The following KCNQ1 variants were observed in gnomAD, a reference collection of about 807,000 sequenced individuals.
KCNQ1 encodes the protein potassium voltage-gated channel subfamily Q member 1, also known as potassium voltage-gated channel subfamily KQT member 1.
KCNQ1 carries 49 observed loss-of-function variants against 72.4 expected under a neutral mutation model. The ratio of observed to expected loss-of-function variants is 0.68; its 90% CI spans 0.54 to 0.86. KCNQ1 has a LOEUF of 0.86. Ranked by LOEUF, KCNQ1 falls within the 40% of genes least tolerant of loss-of-function variation. The pLI is 0.00. For synonymous variants in KCNQ1, 450 were observed against 412.6 expected, an observed-to-expected ratio of 1.09 and a Z score of -1.10; for missense variants, 790 against 945.1, an observed-to-expected ratio of 0.84 and a Z score of 2.15.
At chr11:2,760,953 A>T (rs1165229132) in intron 11 of KCNQ1, among the ~76,000 whole-genome samples, 1 of 152,168 alleles carries the variant, frequency 6.6e-6, no homozygotes, top group Non-Finnish European at 1.5e-5. Flanking sequence ...GGTGCTCTTT[A>T]GTTTAGCCGT....
At position 2,759,829 on chromosome 11, in the gene KCNQ1, T is replaced by A. The variant is rs994006657; in HGVS notation, c.1515-9015T>A. Among the ~76,000 whole-genome samples the A allele has an allele frequency of 6.6e-6, 1 of 152,066 alleles. No homozygotes were observed. Among genetic ancestry groups the A allele is most frequent in the African/African-American group, 2.4e-5 (1 of 41,410 alleles). ...GGTGAGGCCAGCCCCTCCTCCACCC[T>A]GGGCATCTCCAGGCCCAGCCCCACC... On this transcript the variant is annotated intron_variant, in intron 11 of 15. Coordinates refer to ENST00000155840, the MANE Select transcript of KCNQ1 (RefSeq NM_000218.3). This position sits in a 1 kb window ranked among gnomAD's most constrained non-coding sequence, Gnocchi z 4.4.
rs766291508 is a variant in KCNQ1 at position 2,599,887 on chromosome 11, G to A, written c.1393+11033G>A. 6.6e-6 allele frequency among the ~76,000 whole-genome samples: 1 copy of A among 152,204 alleles called. No homozygotes were observed. The highest frequency in any genetic ancestry group is 2.4e-5 in the African/African-American group (1 of 41,446). On this transcript the variant is annotated intron_variant, in intron 10 of 15. Coordinates refer to ENST00000155840, the MANE Select transcript of KCNQ1 (RefSeq NM_000218.3). The surrounding 1 kb of genome is among the most constrained non-coding windows in gnomAD (Gnocchi z 4.7). ...CTCCAAACATGCTGAGTCACGTGCC[G>A]AGGTATTAAAGACCAGGGCTTCAAC...
At position 2,502,189 on chromosome 11, in the gene KCNQ1, T is replaced by A. The variant is rs148645231; in HGVS notation, c.387-25739T>A. On this transcript the variant is annotated intron_variant, in intron 1 of 15. Transcript: ENST00000155840. ...TTATTTAACACAGTAGTGGAAATCCTAGCTAGAGCAATCAGACAAGAGAAG... is the reference window on the plus strand; with the variant it reads ...TTATTTAACACAGTAGTGGAAATCCAAGCTAGAGCAATCAGACAAGAGAAG... Among the ~76,000 whole-genome samples the A allele has an allele frequency of 2.2e-3, 334 of 152,302 alleles. 1 individual carries two copies. Among genetic ancestry groups the A allele is most frequent in the African/African-American group, 7.9e-3 (328 of 41,552 alleles).
At chr11:2,696,684 C>G (rs1325059727) in intron 11 of KCNQ1, 2 of 398,462 alleles carry the variant, frequency 5.0e-6, no homozygotes, top group African/African-American at 4.1e-5. Context: ...TTGCCCTGTT[C>G]AAGAAAATAA....
In KCNQ1 at chr11:2,690,471, G is replaced by A; in HGVS notation, c.1514+28390G>A. 1 of 398,636 alleles carries A rather than the reference G, an allele frequency of 2.5e-6. No individual in the cohort carries two copies. Among genetic ancestry groups the A allele is most frequent in the Non-Finnish European group, 4.4e-6 (1 of 226,074 alleles). The allele number at this position is 398,636 out of a possible 1,614,324, so 24.7% of individuals were successfully genotyped here. Reference sequence around the variant, plus strand: ...AAGATAAGAGCAGAGACTGGGTCCTGGGAACAGCCACTGGGCCCAGTCGGG... The same window carrying A: ...AAGATAAGAGCAGAGACTGGGTCCTAGGAACAGCCACTGGGCCCAGTCGGG... On this transcript the variant is annotated intron_variant, in intron 11 of 15. Coordinates refer to ENST00000155840, the MANE Select transcript of KCNQ1 (RefSeq NM_000218.3). This position sits in a 1 kb window ranked among gnomAD's most constrained non-coding sequence, Gnocchi z 5.1.
At position 2,579,294 on chromosome 11, in the gene KCNQ1, C is replaced by T. The variant is rs1848464237; in HGVS notation, c.922-4141C>T. On this transcript the variant is annotated intron_variant, in intron 6 of 15. Transcript: ENST00000155840. This position sits in a 1 kb window ranked among gnomAD's most constrained non-coding sequence, Gnocchi z 6.0. ...AGGCTCCCCATGCCTCCCGCCCCTTCACATGGGAGTGAAGGCACAGGCCAG... is the reference window on the plus strand; with the variant it reads ...AGGCTCCCCATGCCTCCCGCCCCTTTACATGGGAGTGAAGGCACAGGCCAG... 6.6e-6 allele frequency among the ~76,000 whole-genome samples: 1 copy of T among 152,236 alleles called. No individual in the cohort carries two copies. Among genetic ancestry groups the T allele is most frequent in the Admixed American group, 6.5e-5 (1 of 15,286 alleles).
intron 15 of KCNQ1, among the ~76,000 whole-genome samples, chr11:2,804,916 G>A (rs947034213): frequency 2.0e-5 from 3 of 152,352 alleles, no homozygotes; most frequent in Admixed American, 6.5e-5. Flanking sequence ...TCAGGTCACC[G>A]GAACATGTGA....
Position 2,732,551 on chromosome 11 carries a change from G to A in KCNQ1, c.1515-36293G>A, listed in dbSNP as rs2283219. On this transcript the variant is annotated intron_variant, in intron 11 of 15. Coordinates refer to ENST00000155840, the MANE Select transcript of KCNQ1 (RefSeq NM_000218.3). ...TGGATGCAGCCGGGCAGTGAGGAGC[G>A]CAGGCGAATGTTACAGCAGGCGCGA... is the stretch of plus-strand genomic sequence containing the variant. Among the ~76,000 whole-genome samples, 633 of 152,310 alleles carry A rather than the reference G, an allele frequency of 4.2e-3. 19 individuals are homozygous for A. The East Asian group carries it at 0.095, about 23-fold the overall frequency.
rs1052449083 is a variant in KCNQ1, at chr11:2,446,081, G to A, written c.386+597G>A. Reference sequence around the variant, plus strand: ...GAAAACCTGGCTTGATGCAGAGAGCGGAGAGGCACGTTTGCAGCTCTCACT... The same window carrying A: ...GAAAACCTGGCTTGATGCAGAGAGCAGAGAGGCACGTTTGCAGCTCTCACT... On this transcript the variant is annotated intron_variant, in intron 1 of 15. Transcript: ENST00000155840. The surrounding 1 kb of genome is among the most constrained non-coding windows in gnomAD (Gnocchi z 8.8). Among the ~76,000 whole-genome samples the A allele has an allele frequency of 2.6e-5, 4 of 152,174 alleles. No individual in the cohort carries two copies. Among genetic ancestry groups the A allele is most frequent in the Non-Finnish European group, 4.4e-5 (3 of 68,020 alleles).
At chr11:2,795,702 C>T (rs1847115058) in intron 15 of KCNQ1, among the ~76,000 whole-genome samples, 1 of 152,236 alleles carries the variant, frequency 6.6e-6, no homozygotes, top group Admixed American at 6.5e-5. Context: ...GCTACAGATC[C>T]CGCCAACTCT....
In KCNQ1 at chr11:2,624,427, C is replaced by G; in HGVS notation, c.1393+35573C>G. On this transcript the variant is annotated intron_variant, in intron 10 of 15. Coordinates refer to ENST00000155840, the MANE Select transcript of KCNQ1 (RefSeq NM_000218.3). This position sits in a 1 kb window ranked among gnomAD's most constrained non-coding sequence, Gnocchi z 4.9. The stretch of plus-strand genomic sequence containing the variant: ...CAGAAACTTTTATTTTTAACAAAGT[C>G]TAGCTTATCAATTATTTCTTTCATG... 2.5e-6 allele frequency: 1 copy of G among 398,416 alleles called. No homozygotes were observed. Among genetic ancestry groups the G allele is most frequent in the East Asian group, 3.6e-5 (1 of 28,038 alleles). 24.7% of individuals were successfully genotyped at this position (398,416 alleles called of 1,614,324 possible).
rs2133837477 is a variant in KCNQ1, at chr11:2,647,169, T to A, written c.1394-14792T>A. On this transcript the variant is annotated intron_variant, in intron 10 of 15. Coordinates refer to ENST00000155840, the MANE Select transcript of KCNQ1 (RefSeq NM_000218.3). The surrounding 1 kb of genome is among the most constrained non-coding windows in gnomAD (Gnocchi z 4.0). Reference sequence around the variant, plus strand: ...TTCTAGACATTATGTGATGAGCTTTTTTTTTTATCATGAAGAGATTTTGAA... The same window carrying A: ...TTCTAGACATTATGTGATGAGCTTTATTTTTTATCATGAAGAGATTTTGAA... 7.5e-6 allele frequency: 3 copies of A among 398,522 alleles called. No homozygotes were observed. Among genetic ancestry groups the A allele is most frequent in the Non-Finnish European group, 1.3e-5 (3 of 226,026 alleles). 24.7% of individuals were successfully genotyped at this position (398,522 alleles called of 1,614,324 possible).
Position 2,463,899 on chromosome 11 carries a change from G to A in KCNQ1, c.386+18415G>A, listed in dbSNP as rs1251872384. Among the ~76,000 whole-genome samples, 1 of 152,214 alleles carries A rather than the reference G, an allele frequency of 6.6e-6. No homozygotes were observed. The highest frequency in any genetic ancestry group is 2.4e-5 in the African/African-American group (1 of 41,444). On this transcript the variant is annotated intron_variant, in intron 1 of 15. Coordinates refer to ENST00000155840, the MANE Select transcript of KCNQ1 (RefSeq NM_000218.3). This position sits in a 1 kb window ranked among gnomAD's most constrained non-coding sequence, Gnocchi z 7.0. Reference sequence around the variant, plus strand: ...ACTTGTTTGGCTGATGGATCAGGGGGAAGGTTCTCCCCACGGTGTGAGGCA... The same window carrying A: ...ACTTGTTTGGCTGATGGATCAGGGGAAAGGTTCTCCCCACGGTGTGAGGCA...
chr11:2,680,400 T>A, intron 11 of KCNQ1: 1 of 398,464 alleles, frequency 2.5e-6, no homozygotes, highest in Non-Finnish European at 4.4e-6. Flanking sequence ...TCCTTCCATA[T>A]TTTTTTAGAT....
At chr11:2,572,549 T>C (rs1848353024) in intron 5 of KCNQ1, among the ~76,000 whole-genome samples, 1 of 152,144 alleles carries the variant, frequency 6.6e-6, no homozygotes, top group Non-Finnish European at 1.5e-5. Context: ...CCTGGTCCAT[T>C]CTTGGTTCTG....
chr11:2,530,380 C>A (rs936534478), intron 2 of KCNQ1, among the ~76,000 whole-genome samples: 2 of 152,220 alleles, frequency 1.3e-5, no homozygotes, highest in Non-Finnish European at 2.9e-5. Context: ...TGCCATGGGG[C>A]GGGTCTGTGG....
At chr11:2,846,569 G>A (rs1206695800) in intron 15 of KCNQ1, among the ~76,000 whole-genome samples, 1 of 152,166 alleles carries the variant, frequency 6.6e-6, no homozygotes, top group Non-Finnish European at 1.5e-5. Flanking sequence ...AGGGAGAGGG[G>A]TCCCCAACCT....
chr11:2,761,796 C>T (rs1846400001), intron 11 of KCNQ1, among the ~76,000 whole-genome samples: 1 of 152,258 alleles, frequency 6.6e-6, no homozygotes, highest in African/African-American at 2.4e-5. Context: ...AGCTGGGGGC[C>T]TGGGCTGGCA....
rs1323541600 is a variant in KCNQ1 at position 2,683,730 on chromosome 11, A to G, written c.1514+21649A>G. 3 of 398,464 alleles carry G rather than the reference A, an allele frequency of 7.5e-6. No homozygotes were observed. The highest frequency in any genetic ancestry group is 1.3e-5 in the Non-Finnish European group (3 of 226,070). The allele number at this position is 398,464 out of a possible 1,614,324, so 24.7% of individuals were successfully genotyped here. ...CTTTCCTTACTCCCTCTGGTTACCT[A>G]GCTTTAGCTCTGAGGCAGCCCAGAT... On this transcript the variant is annotated intron_variant, in intron 11 of 15. Transcript: ENST00000155840. The surrounding 1 kb of genome is among the most constrained non-coding windows in gnomAD (Gnocchi z 4.7).
Sources: gnomAD v4.1 joint callset for allele counts (sites outside exome capture counted in the v4.1 genomes callset) on GRCh38, gnomAD v4.1.1 for gene constraint, Gnocchi (gnomAD v3.1) non-coding constraint, MANE v1.5 for transcripts, NCBI Gene and HGNC (gene_info 2026-07-23, HGNC 2026-07-21) for gene names.